SLIRP: variants seen among roughly 807,000 people sequenced by gnomAD.
The protein encoded by SLIRP is SRA stem-loop-interacting RNA-binding protein, mitochondrial.
In SLIRP, 12 loss-of-function variants were observed where a neutral mutation model predicts 13.4. The ratio of observed to expected loss-of-function variants is 0.89; its 90% confidence interval spans 0.57 to 1.45. The LOEUF (loss-of-function observed/expected upper bound fraction) is 1.45. SLIRP is among the 40% of genes most tolerant of loss of function. The pLI is 0.00. For missense variants in SLIRP, 154 were observed against 132.2 expected, an observed-to-expected ratio of 1.17 and a Z score of -0.81; for synonymous variants, 55 against 47.1, an observed-to-expected ratio of 1.17 and a Z score of -0.69.
At chr14:77,712,483 G>C (rs1183209958) in intron 2 of SLIRP, among the ~76,000 whole-genome samples, 9 of 121,548 alleles carry the variant, frequency 7.4e-5, no homozygotes, top group African/African-American at 2.9e-4. Flanking sequence ...CTCACTCTGT[G>C]GCCTAGGCTG....
intron 2 of SLIRP, chr14:77,711,714 C>CG (rs2080441932): frequency 2.6e-5 from 4 of 152,170 alleles, no homozygotes; most frequent in Admixed American, 2.6e-4. Context: ...CACCACCACA[C>CG]CTGGGTAATT....
At chr14:77,717,367 A>G in intron 3 of SLIRP, 129 bp from the exon 4 acceptor site, 1 of 757,754 alleles carries the variant, frequency 1.3e-6, no homozygotes. Flanking sequence ...AGAAAACGAA[A>G]GAACAAGGGA....
chr14:77,717,035 G>C (rs1595069112), intron 3 of SLIRP, among the ~76,000 whole-genome samples: 1 of 152,334 alleles, frequency 6.6e-6, no homozygotes, highest in Non-Finnish European at 1.5e-5. Context: ...AAAGTGCTGG[G>C]ATTACAGGCG....
chr14:77,714,248 C>G (rs1369013886), intron 2 of SLIRP, among the ~76,000 whole-genome samples: 1 of 152,170 alleles, frequency 6.6e-6, no homozygotes, highest in Non-Finnish European at 1.5e-5. Flanking sequence ...CTCAAGCAGT[C>G]TACTCACCTC....
At chr14:77,716,011 G>A (rs1361578215) in intron 3 of SLIRP, 132 bp downstream of exon 3, 2 of 780,934 alleles carry the variant, frequency 2.6e-6, no homozygotes, top group Non-Finnish European at 4.1e-6. Flanking sequence ...CTGCCTTAAT[G>A]CTTGTTAAGA....
chr14:77,716,512 G>A (rs1016796525), intron 3 of SLIRP, among the ~76,000 whole-genome samples: 26 of 150,384 alleles, frequency 1.7e-4, no homozygotes, highest in Admixed American at 3.3e-4. Context: ...TTAGATGGGC[G>A]TGGTGGCACA....
chr14:77,710,333 G>T (rs571103972), intron 1 of SLIRP, among the ~76,000 whole-genome samples: 1 of 152,248 alleles, frequency 6.6e-6, no homozygotes, highest in South Asian at 2.1e-4. Flanking sequence ...TGCAAAGAGG[G>T]TAACCCGCAG....
chr14:77,711,092 A>T (rs1169105668), intron 2 of SLIRP, among the ~76,000 whole-genome samples, 196 bp downstream of exon 2: 1 of 151,854 alleles, frequency 6.6e-6, no homozygotes, highest in Non-Finnish European at 1.5e-5. Flanking sequence ...ATACCCCATA[A>T]GTCAAAGGAT....
upstream of SLIRP, chr14:77,708,074 G>T: frequency 1.9e-6 from 3 of 1,610,946 alleles, no homozygotes; most frequent in Middle Eastern, 1.7e-4. Context: ...TTTTTCCGGG[G>T]CCGCGACCTC....
At chr14:77,710,954 T>A in intron 2 of SLIRP, 58 bp downstream of exon 2, 1 of 1,420,960 alleles carries the variant, frequency 7.0e-7, no homozygotes. Flanking sequence ...ACAAAAAAAA[T>A]AGAATGAATA....
At chr14:77,712,589 C>T (rs1283257786) in intron 2 of SLIRP, among the ~76,000 whole-genome samples, 3 of 151,640 alleles carry the variant, frequency 2.0e-5, no homozygotes, top group African/African-American at 4.8e-5. Context: ...GGACTACAGG[C>T]GCCCGCCACT....
intron 1 of SLIRP, among the ~76,000 whole-genome samples, chr14:77,708,588 A>G (rs1337064115): frequency 1.7e-4 from 26 of 152,218 alleles, no homozygotes; most frequent in Admixed American, 1.7e-3. Context: ...GAGGACCTGA[A>G]TTAGGGCGAT....
intron 2 of SLIRP, among the ~76,000 whole-genome samples, chr14:77,711,502 A>AT (rs1595064709): frequency 6.7e-6 from 1 of 150,308 alleles, no homozygotes; most frequent in East Asian, 2.0e-4. Flanking sequence ...CTTTTTTGGT[A>AT]TTTTTTAGTG....
chr14:77,711,032 A>T lies in SLIRP; in HGVS notation c.156+136A>T, dbSNP rs572165863. The T allele has an allele frequency of 6.5e-6, 5 of 771,920 alleles. No individual in the cohort carries two copies. In the South Asian group the frequency reaches 8.4e-5, roughly 13 times the overall value. The allele number at this position is 771,920 out of a possible 1,614,324, so 47.8% of individuals were successfully genotyped here. ...AATTGTACATTTTAAAATAACTCAGAGTGTAATTGGATTATTTGTAACTCA... is the reference window on the plus strand; with the variant it reads ...AATTGTACATTTTAAAATAACTCAGTGTGTAATTGGATTATTTGTAACTCA... On this transcript the variant is annotated intron_variant, in intron 2 of 3. Transcript: ENST00000557342.
chr14:77,711,386 G>A (rs989642078), intron 2 of SLIRP, among the ~76,000 whole-genome samples: 3 of 152,018 alleles, frequency 2.0e-5, no homozygotes, highest in African/African-American at 7.2e-5. Context: ...CAGGGGTGCA[G>A]TGGCCTGATC....
In SLIRP at chr14:77,715,755, A is replaced by AT; in HGVS notation, c.157-16dup. On this transcript the variant is annotated splice_polypyrimidine_tract_variant and intron_variant, in intron 2 of 3. Transcript: ENST00000557342. Reference sequence around the variant, plus strand: ...TGAAGTTCATGATTAATCTTTTCCTATATTTTGAATTTTTAGGACAAGGAG... The same window carrying AT: ...TGAAGTTCATGATTAATCTTTTCCTATTATTTTGAATTTTTAGGACAAGGAG... 1 of 1,596,672 alleles carries AT rather than the reference A, an allele frequency of 6.3e-7. No individual in the cohort carries two copies.
intron 2 of SLIRP, among the ~76,000 whole-genome samples, chr14:77,713,369 C>A (rs1160352026): frequency 6.6e-6 from 1 of 152,034 alleles, no homozygotes; most frequent in African/African-American, 2.4e-5. Flanking sequence ...TTTTTCCTTG[C>A]AGCACTGTAA....
chr14:77,708,407 C>T (rs1016112593), intron 1 of SLIRP, among the ~76,000 whole-genome samples, 199 bp downstream of exon 1: 3 of 152,216 alleles, frequency 2.0e-5, no homozygotes, highest in African/African-American at 7.2e-5. Context: ...CACGAATGCA[C>T]CGGCTCTTGC....
intron 2 of SLIRP, among the ~76,000 whole-genome samples, chr14:77,714,481 A>G (rs779571740): frequency 3.9e-5 from 6 of 152,026 alleles, no homozygotes; most frequent in Non-Finnish European, 8.8e-5. Context: ...TTGTATTTTT[A>G]GTAGAGATGG....
Sources: gnomAD v4.1 joint callset for allele counts (sites outside exome capture counted in the v4.1 genomes callset) on GRCh38, gnomAD v4.1.1 for gene constraint, MANE v1.5 for transcripts, NCBI Gene and HGNC (gene_info 2026-07-23, HGNC 2026-07-21) for gene names.